Variants in CPED1 observed in about 807,000 individuals in gnomAD.
CPED1 encodes cadherin like and PC-esterase domain containing 1.
A neutral mutation model predicts 128.2 loss-of-function variants in CPED1; 114 were observed. That is an observed-to-expected ratio of 0.89 (90% CI 0.76 to 1.04). The LOEUF is 1.04. Ranked by LOEUF, CPED1 falls within the 50% of genes least tolerant of loss-of-function variation. The pLI, the probability that CPED1 is intolerant of heterozygous loss-of-function variation, is 0.00. For synonymous variants in CPED1, 462 were observed against 426.7 expected, an observed-to-expected ratio of 1.08 and a Z score of -1.02; for missense variants, 1,211 against 1,207.1, an observed-to-expected ratio of 1.00 and a Z score of -0.05.
At chr7:121,105,482 C>T (rs945456411) in intron 7 of CPED1, among the ~76,000 whole-genome samples, 1 of 152,174 alleles carries the variant, frequency 6.6e-6, no homozygotes, top group Non-Finnish European at 1.5e-5. Context: ...TCTGGCCCTT[C>T]GCTAGGCCCG....
intron 16 of CPED1, among the ~76,000 whole-genome samples, chr7:121,174,951 G>C (rs538109230): frequency 6.6e-6 from 1 of 152,172 alleles, no homozygotes; most frequent in East Asian, 1.9e-4. Flanking sequence ...TCCCTGGTTA[G>C]CTGTATTCCT....
Position 121,141,916 on chromosome 7 carries a change from G to T in CPED1, c.1887-57G>T, listed in dbSNP as rs989162311. The T allele has an allele frequency of 2.9e-6, 4 of 1,396,222 alleles. No homozygotes were observed. The African/African-American group carries it at 4.3e-5, about 15-fold the overall frequency. The allele number at this position is 1,396,222 out of a possible 1,614,324, so 86.5% of individuals were successfully genotyped here. A position where few individuals can be genotyped will look rare whatever the true frequency, so the allele number is the denominator to read the frequency against. ...TAAATATTGATATATGAATCAGTTT[G>T]GGCTGAATAAATCTCCCCTATTCAT... On this transcript the variant is annotated intron_variant, in intron 15 of 22. Transcript: ENST00000310396.
intron 5 of CPED1, among the ~76,000 whole-genome samples, chr7:121,072,798 A>G (rs540930558): frequency 1.6e-4 from 25 of 152,346 alleles, no homozygotes; most frequent in African/African-American, 6.0e-4. Flanking sequence ...TATCCCAACC[A>G]AAGATAATTA....
At chr7:121,142,480 C>T (rs776089917) in intron 16 of CPED1, among the ~76,000 whole-genome samples, 10 of 151,934 alleles carry the variant, frequency 6.6e-5, no homozygotes, top group Non-Finnish European at 1.5e-4. Context: ...GTCCCTGGAT[C>T]TACTTTTGAA....
intron 16 of CPED1, among the ~76,000 whole-genome samples, chr7:121,148,445 C>T (rs773415254): frequency 6.6e-6 from 1 of 152,098 alleles, no homozygotes; most frequent in Non-Finnish European, 1.5e-5. Context: ...ATTTTTTAAT[C>T]CTCCTCTTAT....
In CPED1 at chr7:120,988,896, A is replaced by G. The variant is rs1796264622; in HGVS notation, c.-248A>G. ...CATGGAAACTTTTTTTTTCCTGGCT[A>G]AAAGGATGAAAACTGAGTAAGTACA... is the stretch of plus-strand genomic sequence containing the variant. On this transcript the variant is annotated 5_prime_UTR_variant, in exon 1 of 23. Coordinates refer to ENST00000310396, the MANE Select transcript of CPED1 (RefSeq NM_024913.5). 1 of 152,158 alleles carries G rather than the reference A, an allele frequency of 6.6e-6. No homozygotes were observed. The highest frequency in any genetic ancestry group is 6.5e-5 in the Admixed American group (1 of 15,284). The allele number at this position is 152,158 out of a possible 1,614,324, so 9.4% of individuals were successfully genotyped here.
intron 16 of CPED1, among the ~76,000 whole-genome samples, chr7:121,187,445 T>C (rs1233286071): frequency 6.6e-6 from 1 of 152,092 alleles, no homozygotes; most frequent in Non-Finnish European, 1.5e-5. Flanking sequence ...CGTGGTTGAA[T>C]AAGGGAGAGG....
intron 16 of CPED1, among the ~76,000 whole-genome samples, chr7:121,197,251 T>C (rs953591775): frequency 6.6e-6 from 1 of 152,050 alleles, no homozygotes; most frequent in African/African-American, 2.4e-5. Context: ...TACTTTATGC[T>C]CATTTACTTA....
intron 16 of CPED1, among the ~76,000 whole-genome samples, chr7:121,160,771 G>A (rs944906264): frequency 2.0e-5 from 3 of 152,128 alleles, no homozygotes; most frequent in Non-Finnish European, 4.4e-5. Flanking sequence ...GAAGGTAGAA[G>A]AAATGGGGTT....
At chr7:121,260,429 A>G (rs543756757) in intron 18 of CPED1, among the ~76,000 whole-genome samples, 1 of 151,934 alleles carries the variant, frequency 6.6e-6, no homozygotes, top group East Asian at 1.9e-4. Flanking sequence ...GTTTTTCATC[A>G]TGACCTAAAT....
At chr7:121,223,925 ATTTT>A in intron 16 of CPED1, among the ~76,000 whole-genome samples, 1 of 146,196 alleles carries the variant, frequency 6.8e-6, no homozygotes, top group Admixed American at 6.8e-5. Context: ...GGATTCATTG[ATTTT>A]TTTTTTGAAG....
chr7:121,164,388 A>T (rs1345828773), intron 16 of CPED1, among the ~76,000 whole-genome samples: 1 of 152,194 alleles, frequency 6.6e-6, no homozygotes, highest in Admixed American at 6.5e-5. Flanking sequence ...GACTATGTTG[A>T]CCAGGATACT....
intron 22 of CPED1, among the ~76,000 whole-genome samples, chr7:121,292,626 G>A (rs1015236610): frequency 6.6e-6 from 1 of 152,082 alleles, no homozygotes; most frequent in Admixed American, 6.6e-5. Flanking sequence ...CAGCCTTTTT[G>A]TGCTGGCTTT....
intron 2 of CPED1, among the ~76,000 whole-genome samples, chr7:121,014,108 C>T (rs918919744): frequency 1.3e-5 from 2 of 151,932 alleles, no homozygotes; most frequent in East Asian, 1.9e-4. Context: ...AGTGAAATAA[C>T]GAAAAGAGGA....
At position 121,190,391 on chromosome 7, in the gene CPED1, C is replaced by CAAAA. The variant is rs368606501; in HGVS notation, c.2056-46306_2056-46303dup. On this transcript the variant is annotated intron_variant, in intron 16 of 22. Transcript: ENST00000310396. ...TAGGTGACAGAGCGAGACTCTGTATCAAAAAAAAAAAAAAAAAAAAGACTA... is the reference window on the plus strand; with the variant it reads ...TAGGTGACAGAGCGAGACTCTGTATCAAAAAAAAAAAAAAAAAAAAAAAAGACTA... Among the ~76,000 whole-genome samples, 256 of 97,270 alleles carry CAAAA rather than the reference C, an allele frequency of 2.6e-3. 4 individuals carry two copies. The highest frequency in any genetic ancestry group is 9.4e-3 in the African/African-American group (222 of 23,592). 63.8% of individuals were successfully genotyped at this position (97,270 alleles called of 152,430 possible).
Position 121,261,651 on chromosome 7 carries a change from G to C in CPED1, c.2311-4576G>C, listed in dbSNP as rs1258886097. The C allele has an allele frequency of 1.9e-6, 3 of 1,611,182 alleles. No homozygotes were observed. In the East Asian group the frequency reaches 6.7e-5, roughly 36 times the overall value. ...CTTCAGTTGGGTGTCGATGTCCAGA[G>C]AGTTCCTAGAAGCCGTAATTGAAGA... On this transcript the variant is annotated intron_variant, in intron 18 of 22. Coordinates refer to ENST00000310396, the MANE Select transcript of CPED1 (RefSeq NM_024913.5).
chr7:121,241,211 A>G (rs1285764584), intron 17 of CPED1, among the ~76,000 whole-genome samples: 2 of 97,148 alleles, frequency 2.1e-5, no homozygotes, highest in Admixed American at 9.3e-5. Flanking sequence ...AGCCGGGCGT[A>G]GTGGCGGGCG....
intron 16 of CPED1, among the ~76,000 whole-genome samples, chr7:121,156,421 G>A (rs193012629): frequency 4.6e-5 from 7 of 152,232 alleles, no homozygotes; most frequent in Admixed American, 1.3e-4. Context: ...CAATAGCCAA[G>A]ATATGGAATC....
chr7:121,256,294 C>T (rs7456537), intron 18 of CPED1, among the ~76,000 whole-genome samples: 2 of 152,014 alleles, frequency 1.3e-5, no homozygotes, highest in Non-Finnish European at 2.9e-5. Context: ...CTACAACCAT[C>T]TGATCTTCAA....
Sources: gnomAD v4.1 joint callset for allele counts (sites outside exome capture counted in the v4.1 genomes callset) on GRCh38, gnomAD v4.1.1 for gene constraint, MANE v1.5 for transcripts, NCBI Gene and HGNC (gene_info 2026-07-23, HGNC 2026-07-21) for gene names.